Variants in PTPRD observed in about 807,000 individuals in gnomAD.
PTPRD encodes protein tyrosine phosphatase receptor type D.
In PTPRD, 34 loss-of-function variants were observed where a neutral mutation model predicts 214.5. The observed-to-expected ratio is 0.16, with a 90% CI of 0.12 to 0.21. The LOEUF (loss-of-function observed/expected upper bound fraction) is 0.21. Ranked by LOEUF, PTPRD falls within the 10% of genes least tolerant of loss-of-function variation. The pLI, the probability that PTPRD is intolerant of heterozygous loss-of-function variation, is 1.00. For missense variants in PTPRD, 2,545 were observed against 2,398.7 expected (o/e 1.06, Z -1.27); for synonymous variants, 1,128 against 845.7 (o/e 1.33, Z -5.79).
chr9:9,759,159 T>C (rs1449169210), intron 6 of PTPRD, among the ~76,000 whole-genome samples: 1 of 152,216 alleles, frequency 6.6e-6, no homozygotes, highest in Non-Finnish European at 1.5e-5. Context: ...TAGCTCCTTT[T>C]TCACAGTAAA....
At chr9:10,604,298 A>G (rs1403134230) in intron 2 of PTPRD, among the ~76,000 whole-genome samples, 1 of 151,854 alleles carries the variant, frequency 6.6e-6, no homozygotes, top group Non-Finnish European at 1.5e-5. Context: ...CTATATCTGT[A>G]TCTATAATAC....
At chr9:10,186,692 T>A (rs781513729) in intron 3 of PTPRD, among the ~76,000 whole-genome samples, 56 of 152,266 alleles carry the variant, frequency 3.7e-4, no homozygotes, top group Middle Eastern at 3.4e-3. Context: ...TGTGAAACAT[T>A]AAGTACACTA....
intron 3 of PTPRD, among the ~76,000 whole-genome samples, chr9:10,120,835 T>G (rs780226401): frequency 1.4e-4 from 21 of 152,098 alleles, no homozygotes; most frequent in Non-Finnish European, 2.8e-4. Context: ...TATTCAACCC[T>G]GCTATCAATC....
At chr9:8,779,802 G>A (rs1369075542) in intron 11 of PTPRD, among the ~76,000 whole-genome samples, 1 of 147,802 alleles carries the variant, frequency 6.8e-6, no homozygotes, top group Non-Finnish European at 1.5e-5. Context: ...ACATTATGTC[G>A]ATGTTTTGTT....
rs138653722 is a variant in PTPRD, at chr9:10,257,752, A to G, written c.-545+83211T>C. 5.8e-4 allele frequency among the ~76,000 whole-genome samples: 89 copies of G among 152,356 alleles called. 1 individual carries two copies. In the East Asian group the frequency reaches 0.016, roughly 27 times the overall value. ...CATGGGCATAGACCAACGTAGGCCA[A>G]GCTGAATCCTCCTCTGAAAATTTAA... On this transcript the variant is annotated intron_variant, in intron 3 of 45. Transcript: ENST00000381196.
At chr9:9,134,446 A>C (rs1236854190) in intron 10 of PTPRD, among the ~76,000 whole-genome samples, 3 of 151,964 alleles carry the variant, frequency 2.0e-5, no homozygotes, top group Non-Finnish European at 2.9e-5. Context: ...TTACCTTCTC[A>C]CACCTCCACT....
At chr9:8,646,273 T>C (rs1355111702) in intron 12 of PTPRD, among the ~76,000 whole-genome samples, 7 of 152,226 alleles carry the variant, frequency 4.6e-5, no homozygotes, top group Middle Eastern at 3.2e-3. Context: ...TATTACACTT[T>C]ACTATGGATC....
At chr9:10,054,138 T>A (rs1017885174) in intron 3 of PTPRD, among the ~76,000 whole-genome samples, 1 of 152,152 alleles carries the variant, frequency 6.6e-6, no homozygotes, top group Admixed American at 6.6e-5. Flanking sequence ...TCTACTCTAT[T>A]TAAAACTAGT....
intron 11 of PTPRD, among the ~76,000 whole-genome samples, chr9:8,735,841 G>A (rs567358777): frequency 6.8e-6 from 1 of 147,172 alleles, no homozygotes; most frequent in South Asian, 2.1e-4. Context: ...GAACCCAGGA[G>A]ACAGAGGTTT....
intron 10 of PTPRD, among the ~76,000 whole-genome samples, chr9:9,130,620 C>T (rs1281795949): frequency 6.6e-6 from 1 of 152,102 alleles, no homozygotes; most frequent in East Asian, 1.9e-4. Flanking sequence ...TTGAGACTTA[C>T]CTCAAAGTGA....
At chr9:8,578,040 C>G (rs1227771651) in intron 14 of PTPRD, among the ~76,000 whole-genome samples, 1 of 152,142 alleles carries the variant, frequency 6.6e-6, no homozygotes, top group Non-Finnish European at 1.5e-5. Context: ...AGCAAATAAA[C>G]TGGTAATTAA....
At chr9:8,998,293 G>C (rs58773367) in intron 11 of PTPRD, among the ~76,000 whole-genome samples, 12,197 of 152,044 alleles carry the variant, frequency 0.08, 622 homozygotes, top group Middle Eastern at 0.15. Flanking sequence ...TCTTGTTAAG[G>C]ACTAATGCAG....
At position 9,613,122 on chromosome 9, in the gene PTPRD, G is replaced by GTATATATATA. The variant is rs1331223781; in HGVS notation, c.-286-38342_-286-38341insTATATATATA. Among the ~76,000 whole-genome samples the GTATATATATA allele has an allele frequency of 1.5e-4, 10 of 68,146 alleles. 2 individuals carry two copies. The highest frequency in any genetic ancestry group is 8.5e-4 in the African/African-American group (10 of 11,740). The allele number at this position is 68,146 out of a possible 152,430, so 44.7% of individuals were successfully genotyped here. Reference sequence around the variant, plus strand: ...CCATACATATAATAGCTAGGCTGCAGTATACATACATACATATATATATAT... The same window carrying GTATATATATA: ...CCATACATATAATAGCTAGGCTGCAGTATATATATATATACATACATACATATATATATAT... On this transcript the variant is annotated intron_variant, in intron 7 of 45. Coordinates refer to ENST00000381196, the MANE Select transcript of PTPRD (RefSeq NM_002839.4).
At chr9:10,521,744 G>C (rs1463783548) in intron 2 of PTPRD, among the ~76,000 whole-genome samples, 2 of 152,212 alleles carry the variant, frequency 1.3e-5, no homozygotes, top group Middle Eastern at 3.4e-3. Flanking sequence ...AATTATGACC[G>C]ACTGATGGGA....
chr9:9,450,138 GTGTA>G (rs1569568433), intron 8 of PTPRD, among the ~76,000 whole-genome samples: 9 of 149,396 alleles, frequency 6.0e-5, no homozygotes, highest in African/African-American at 2.2e-4. Context: ...GTGTGTGTGT[GTGTA>G]TTACAGTTTC....
chr9:10,096,236 T>C (rs927420529), intron 3 of PTPRD, among the ~76,000 whole-genome samples: 2 of 151,660 alleles, frequency 1.3e-5, no homozygotes, highest in African/African-American at 4.8e-5. Flanking sequence ...AAGATATAAA[T>C]TGAGATACAT....
At chr9:9,515,349 T>C (rs1810931677) in intron 8 of PTPRD, among the ~76,000 whole-genome samples, 1 of 152,152 alleles carries the variant, frequency 6.6e-6, no homozygotes, top group South Asian at 2.1e-4. Context: ...CACCTGGCTA[T>C]ATATCTAAAC....
intron 5 of PTPRD, among the ~76,000 whole-genome samples, chr9:9,838,549 T>C (rs1489967437): frequency 6.6e-6 from 1 of 152,344 alleles, no homozygotes; most frequent in African/African-American, 2.4e-5. Context: ...ATGTGTTTTT[T>C]GGCTGCATAA....
At chr9:9,440,762 A>T (rs751617532) in intron 8 of PTPRD, among the ~76,000 whole-genome samples, 1 of 152,226 alleles carries the variant, frequency 6.6e-6, no homozygotes, top group Non-Finnish European at 1.5e-5. Context: ...TTAAACAGAG[A>T]TAAAATGATG....
Sources: gnomAD v4.1 joint callset for allele counts (sites outside exome capture counted in the v4.1 genomes callset) on GRCh38, gnomAD v4.1.1 for gene constraint, MANE v1.5 for transcripts, NCBI Gene and HGNC (gene_info 2026-07-23, HGNC 2026-07-21) for gene names.